Variants in P2RX5 observed in about 807,000 individuals in gnomAD.
P2RX5 encodes P2X purinoceptor 5.
In P2RX5, 46 loss-of-function variants were observed where a neutral mutation model predicts 54.1. The observed-to-expected ratio is 0.85, with a 90% CI of 0.67 to 1.09. P2RX5 has a LOEUF of 1.09. Ranked by LOEUF, P2RX5 falls within the 50% of genes least tolerant of loss-of-function variation. The probability of loss-of-function intolerance (pLI) is 0.00; values close to 1 mark genes in which losing one functional copy is unlikely to be tolerated. For missense variants in P2RX5, 566 were observed against 549.8 expected (o/e 1.03, Z -0.29); for synonymous variants, 226 against 226.4 (o/e 1.00, Z 0.02).
upstream of P2RX5, among the ~76,000 whole-genome samples, chr17:3,697,901 T>C (rs2050788570): frequency 6.6e-6 from 1 of 152,132 alleles, no homozygotes; most frequent in African/African-American, 2.4e-5. Context: ...AGGATCTCGT[T>C]GACTTAGTGA....
At chr17:3,676,361 G>C in intron 11 of P2RX5, 10 of 985,408 alleles carry the variant, frequency 1.0e-5, no homozygotes, top group Non-Finnish European at 1.2e-5. Flanking sequence ...ACGAGTTTTC[G>C]GCAAAATCAG....
chr17:3,685,203 C>A (rs1314049571), intron 9 of P2RX5, among the ~76,000 whole-genome samples: 2 of 152,128 alleles, frequency 1.3e-5, no homozygotes, highest in African/African-American at 2.4e-5. Context: ...CAGGGACTCA[C>A]CTGGGATCCC....
the P2RX5 span, chr17:3,723,658 C>G: frequency 6.4e-7 from 1 of 1,560,610 alleles, no homozygotes; most frequent in South Asian, 1.2e-5. Flanking sequence ...CCTCCGCCCT[C>G]CCCTGGCCTC....
rs1434769578 is a variant in P2RX5 at position 3,690,489 on chromosome 17, G to C, written c.471C>G (p.Asn157Lys). ...VKTGRCLRRE[N>K]LARGTCEIFA... Reference sequence around the variant, plus strand: ...AGATCTCACAGGTGCCCCTGGCCAAGTTCTCTCTCCGCAGGCAGCGGCCGG... The same window carrying C: ...AGATCTCACAGGTGCCCCTGGCCAACTTCTCTCTCCGCAGGCAGCGGCCGG... The change falls in exon 5 of 12, where the codon AAC becomes AAG. Residue 157 changes from asparagine (N) to lysine (K), a missense_variant. Transcript: ENST00000225328. 1 of 1,613,568 alleles carries C rather than the reference G, an allele frequency of 6.2e-7. No individual in the cohort carries two copies. The highest frequency in any genetic ancestry group is 1.7e-5 in the Admixed American group (1 of 60,008).
In P2RX5 at chr17:3,673,307, G is replaced by A. The variant is rs955949218; in HGVS notation, c.*561C>T. ...ATATCTTGGGCAGGTCCCAGAAAGC[G>A]TCTGCCATCTCCCCCACTTTAATTC... On this transcript the variant is annotated 3_prime_UTR_variant, in exon 12 of 12. Transcript: ENST00000225328. 38 of 992,478 alleles carry A rather than the reference G, an allele frequency of 3.8e-5. 2 individuals carry two copies. The highest frequency in any genetic ancestry group is 9.0e-5 in the South Asian group (2 of 22,182). 61.5% of individuals were successfully genotyped at this position (992,478 alleles called of 1,614,324 possible).
the P2RX5 span, among the ~76,000 whole-genome samples, chr17:3,708,775 C>T: frequency 1.3e-5 from 2 of 152,090 alleles, no homozygotes; most frequent in Non-Finnish European, 2.9e-5. Flanking sequence ...TATTCCCCCA[C>T]CTGACCCCCA....
At chr17:3,709,350 T>G in the P2RX5 span, among the ~76,000 whole-genome samples, 1 of 152,208 alleles carries the variant, frequency 6.6e-6, no homozygotes, top group Non-Finnish European at 1.5e-5. Context: ...CTATGAGAAA[T>G]GTACCTATTA....
chr17:3,675,879 G>A, intron 11 of P2RX5: 1 of 985,408 alleles, frequency 1.0e-6, no homozygotes. Context: ...TCAGAGAGCA[G>A]TATAGGCTTG....
chr17:3,715,436 GTC>G, the P2RX5 span, among the ~76,000 whole-genome samples: 63 of 152,318 alleles, frequency 4.1e-4, no homozygotes, highest in Middle Eastern at 3.4e-3. Context: ...GGACTCAGGA[GTC>G]TCTAGACCGC....
Position 3,677,180 on chromosome 17 carries a change from A to C in P2RX5, c.1259+2410T>G, listed in dbSNP as rs754124919. 23 of 985,086 alleles carry C rather than the reference A, an allele frequency of 2.3e-5. No homozygotes were observed. In the Admixed American group the frequency reaches 4.3e-4, roughly 18 times the overall value. 61.0% of individuals were successfully genotyped at this position (985,086 alleles called of 1,614,324 possible). Reference sequence around the variant, plus strand: ...AGGTGGGGACGGAGGGAGGGGAATGAGGGCCTCCCTAACTCAGCCCGTTTA... The same window carrying C: ...AGGTGGGGACGGAGGGAGGGGAATGCGGGCCTCCCTAACTCAGCCCGTTTA... On this transcript the variant is annotated intron_variant, in intron 11 of 11. Coordinates refer to ENST00000225328, the MANE Select transcript of P2RX5 (RefSeq NM_002561.4).
chr17:3,689,517 C>T lies in P2RX5; in HGVS notation c.728G>A (p.Ser243Asn). Residue 243 changes from serine to asparagine, a missense_variant, in exon 7 of 12, where the codon AGC (serine) becomes AAC (asparagine). Physicochemically the swap from Ser to Asn is conservative, Grantham distance 46 (BLOSUM62 1). Transcript: ENST00000225328. ...RLGSVIRWAG[S>N]DFQDIALEGG... is the part of the protein sequence containing the mutation. ...CTCCAGGGCTATATCCTGGAAGTCG[C>T]TCCCGGCCCAGCGGATCACGGAGCC... 1 of 1,614,190 alleles carries T rather than the reference C, an allele frequency of 6.2e-7. No individual in the cohort carries two copies. Among genetic ancestry groups the T allele is most frequent in the Non-Finnish European group, 8.5e-7 (1 of 1,180,036 alleles).
intron 6 of P2RX5, 62 bp from the exon 7 acceptor site, chr17:3,689,692 A>G (rs1286645748): frequency 1.2e-6 from 2 of 1,607,690 alleles, no homozygotes; most frequent in Non-Finnish European, 1.7e-6. Flanking sequence ...CGGCCTGGCC[A>G]GGAGTCACTC....
chr17:3,711,765 T>G, the P2RX5 span, among the ~76,000 whole-genome samples: 2 of 150,684 alleles, frequency 1.3e-5, no homozygotes, highest in Non-Finnish European at 1.5e-5. Context: ...CACGATCTCG[T>G]CTCACTGCAA....
At chr17:3,688,359 C>T (rs1171473283) in intron 8 of P2RX5, among the ~76,000 whole-genome samples, 3 of 152,188 alleles carry the variant, frequency 2.0e-5, no homozygotes, top group Non-Finnish European at 4.4e-5. Context: ...GTCGCCAAAG[C>T]GCGGATGGAA....
the P2RX5 span, among the ~76,000 whole-genome samples, chr17:3,704,947 G>A: frequency 6.6e-6 from 1 of 152,244 alleles, no homozygotes; most frequent in African/African-American, 2.4e-5. Context: ...CAGAGGTTGC[G>A]GTGAGCGGAG....
chr17:3,692,278 C>T (rs1335576998), intron 1 of P2RX5, among the ~76,000 whole-genome samples: 2 of 151,982 alleles, frequency 1.3e-5, no homozygotes, highest in East Asian at 1.9e-4. Context: ...GATCGCACCA[C>T]TGCACTCCAG....
At position 3,688,737 on chromosome 17, in the gene P2RX5, A is replaced by T; in HGVS notation, c.776T>A (p.Ile259Asn). ...ALEGGVIGINIEWNCDLDKAA... is the reference protein window; with the variant it reads ...ALEGGVIGINNEWNCDLDKAA... ...TTTATCAAGATCACAGTTCCATTCA[A>T]TATTAATTCCTATCACGCCACCCTT... Residue 259 changes from isoleucine (I) to asparagine (N), a missense_variant, in exon 8 of 12, where the codon ATT (isoleucine) becomes AAT (asparagine). By Grantham distance (149) the Ile-to-Asn change is moderately radical. Transcript: ENST00000225328. The T allele has an allele frequency of 6.2e-7, 1 of 1,614,064 alleles. No individual in the cohort carries two copies. Among genetic ancestry groups the T allele is most frequent in the Non-Finnish European group, 8.5e-7 (1 of 1,179,962 alleles).
rs201742936 is a variant in P2RX5, at chr17:3,690,980, GT to G, written c.335del (p.Asn112ThrfsTer36). 11 of 1,555,182 alleles carry G rather than the reference GT, an allele frequency of 7.1e-6. No homozygotes were observed. The highest frequency in any genetic ancestry group is 1.7e-4 in the Middle Eastern group (1 of 5,972). Reference protein sequence around the residue: ...FVVTNLIVTPNQRQNVCAENE... With the variant: ...FVVTNLIVTPXQRQNVCAENE... ...CCTCAGCACAGACGTTCTGCCGCTG[GT>G]TGGGGGTCACAATCAGGTTGGTGAC... On this transcript the variant is annotated frameshift_variant, in exon 3 of 12. Coordinates refer to ENST00000225328, the MANE Select transcript of P2RX5 (RefSeq NM_002561.4). LOFTEE classifies it high-confidence loss of function.
At chr17:3,674,251 C>T (rs1014278617) in intron 11 of P2RX5, among the ~76,000 whole-genome samples, 1 of 151,674 alleles carries the variant, frequency 6.6e-6, no homozygotes, top group African/African-American at 2.4e-5. Flanking sequence ...GCGGAGCTTG[C>T]AGTGAGCCGA....
Sources: allele counts gnomAD v4.1 joint callset (sites outside exome capture counted in the v4.1 genomes callset), GRCh38; gene constraint gnomAD v4.1.1; transcripts MANE v1.5; gene names NCBI Gene and HGNC (gene_info 2026-07-23, HGNC 2026-07-21).